The following FGFR2 variants were observed in gnomAD, a reference collection of about 807,000 sequenced individuals.
FGFR2 encodes the protein fibroblast growth factor receptor 2.
Under a neutral mutation model 95.9 loss-of-function variants are expected in FGFR2, and 19 were observed. That is an observed-to-expected ratio of 0.20 (90% confidence interval 0.14 to 0.29). The LOEUF (loss-of-function observed/expected upper bound fraction) is 0.29, where lower values mean the gene tolerates loss of function less well. Among genes scored for constraint, FGFR2 ranks in the 10% least tolerant of loss-of-function variants. FGFR2 has a pLI of 1.00. For missense variants in FGFR2, 707 were observed against 1,056.9 expected (o/e 0.67, Z 4.59); for synonymous variants, 392 against 393.3 (o/e 1.00, Z 0.04).
intron 2 of FGFR2, among the ~76,000 whole-genome samples, chr10:121,577,580 G>A (rs1207004151): frequency 6.6e-6 from 1 of 152,102 alleles, no homozygotes; most frequent in Non-Finnish European, 1.5e-5. Flanking sequence ...CTTATGGACA[G>A]GAACATGTCA....
chr10:121,506,763 C>T (rs967846576), intron 9 of FGFR2, among the ~76,000 whole-genome samples: 3 of 152,176 alleles, frequency 2.0e-5, no homozygotes, highest in Non-Finnish European at 4.4e-5. Context: ...TAGCAGTGAT[C>T]ACCTGTGGGC....
At chr10:121,493,488 C>T (rs1225579180) in intron 13 of FGFR2, among the ~76,000 whole-genome samples, 1 of 152,164 alleles carries the variant, frequency 6.6e-6, no homozygotes, top group East Asian at 1.9e-4. Flanking sequence ...CTACTACCTG[C>T]CCCCTCCTTC....
intron 5 of FGFR2, among the ~76,000 whole-genome samples, chr10:121,550,151 T>C (rs1220067794): frequency 1.3e-5 from 2 of 152,206 alleles, no homozygotes; most frequent in Non-Finnish European, 1.5e-5. Flanking sequence ...CTGAATCCTT[T>C]CCTGACCTCC....
At chr10:121,488,333 T>C (rs1845693606) in intron 13 of FGFR2, among the ~76,000 whole-genome samples, 1 of 151,572 alleles carries the variant, frequency 6.6e-6, no homozygotes, top group African/African-American at 2.4e-5. Context: ...TTGAGGTCAG[T>C]AGTTCGAGAC....
At chr10:121,585,993 A>T (rs1467425215) in intron 2 of FGFR2, among the ~76,000 whole-genome samples, 2 of 152,210 alleles carry the variant, frequency 1.3e-5, no homozygotes, top group Non-Finnish European at 2.9e-5. Flanking sequence ...ACCTAAACTT[A>T]ACCATTGCAA....
intron 5 of FGFR2, among the ~76,000 whole-genome samples, chr10:121,540,807 C>T (rs537967502): frequency 4.6e-5 from 7 of 152,312 alleles, no homozygotes; most frequent in East Asian, 1.9e-4. Context: ...CCCTTAATCA[C>T]GGCTAGTGCC....
At chr10:121,551,183 G>A in intron 5 of FGFR2, 107 bp downstream of exon 5, 2 of 1,293,028 alleles carry the variant, frequency 1.5e-6, no homozygotes, top group Non-Finnish European at 2.2e-6. Context: ...TCGCACCACG[G>A]CACTCCAGCC....
At chr10:121,561,441 A>T (rs1476695098) in intron 4 of FGFR2, among the ~76,000 whole-genome samples, 1 of 152,062 alleles carries the variant, frequency 6.6e-6, no homozygotes, top group Non-Finnish European at 1.5e-5. Flanking sequence ...AAAAAAAAAA[A>T]AAACCTAAAG....
chr10:121,577,770 G>T (rs1326472976), intron 2 of FGFR2, among the ~76,000 whole-genome samples: 1 of 151,976 alleles, frequency 6.6e-6, no homozygotes, highest in African/African-American at 2.4e-5. Flanking sequence ...CCTGCTTGTA[G>T]GTTCATATTT....
intron 2 of FGFR2, among the ~76,000 whole-genome samples, chr10:121,584,926 C>A (rs11498942): frequency 7.3e-6 from 1 of 137,808 alleles, no homozygotes; most frequent in East Asian, 2.3e-4. Context: ...TAACCCCTCT[C>A]CATCCCGCAC....
At chr10:121,572,771 G>A (rs1296646919) in intron 2 of FGFR2, among the ~76,000 whole-genome samples, 1 of 152,196 alleles carries the variant, frequency 6.6e-6, no homozygotes, top group Non-Finnish European at 1.5e-5. Flanking sequence ...TGACTGGGGA[G>A]AGAGAGAAAC....
chr10:121,494,118 T>C (rs1007401008), intron 13 of FGFR2, among the ~76,000 whole-genome samples: 7 of 151,930 alleles, frequency 4.6e-5, no homozygotes, highest in Non-Finnish European at 1.0e-4. Flanking sequence ...AGAGGCATTT[T>C]TGAAGCACTA....
chr10:121,487,573 A>G, intron 14 of FGFR2, 149 bp from the exon 15 acceptor site: 1 of 714,798 alleles, frequency 1.4e-6, no homozygotes, highest in East Asian at 2.7e-5. Context: ...AATGAGGACC[A>G]TGAACAATGT....
intron 4 of FGFR2, among the ~76,000 whole-genome samples, chr10:121,555,591 G>C (rs1199283728): frequency 1.3e-5 from 2 of 152,096 alleles, no homozygotes; most frequent in Non-Finnish European, 2.9e-5. Context: ...TGGTTCCTTT[G>C]GCTCTGACAT....
At chr10:121,586,946 T>C (rs1861917968) in intron 2 of FGFR2, among the ~76,000 whole-genome samples, 1 of 152,280 alleles carries the variant, frequency 6.6e-6, no homozygotes, top group East Asian at 1.9e-4. Context: ...AAGGCAATCC[T>C]AAGCAAAAAT....
At chr10:121,583,955 AAT>A (rs1465900088) in intron 2 of FGFR2, among the ~76,000 whole-genome samples, 1 of 152,024 alleles carries the variant, frequency 6.6e-6, no homozygotes, top group African/African-American at 2.4e-5. Context: ...GATGAGAGAT[AAT>A]ATATGTTAAA....
chr10:121,487,992 T>C lies in FGFR2; in HGVS notation c.1985A>G (p.Asn662Ser), dbSNP rs962103382. 1.9e-6 allele frequency: 3 copies of C among 1,614,064 alleles called. No homozygotes were observed. Among genetic ancestry groups the C allele is most frequent in the Admixed American group, 3.3e-5 (2 of 60,024 alleles). The change falls in exon 14 of 18, where the codon AAT becomes AGT. Residue 662 changes from asparagine to serine, a missense_variant and splice_region_variant. Coordinates refer to ENST00000358487, the MANE Select transcript of FGFR2 (RefSeq NM_000141.5). ...NNIDYYKKTT[N>S]GRLPVKWMAP... ...ACTGTGTTACTGCCATCGACTTACA[T>C]TGGTGGTCTTTTTGTAATAGTCTAT... is the stretch of plus-strand genomic sequence containing the variant.
In FGFR2 at chr10:121,592,466, C is replaced by T. The variant is rs114780046; in HGVS notation, c.109+1243G>A. On this transcript the variant is annotated intron_variant, in intron 2 of 17. Coordinates refer to ENST00000358487, the MANE Select transcript of FGFR2 (RefSeq NM_000141.5). ...ACCTGTTAATTATAGAGCTGCCATC[C>T]CTCTGTGTAACGAAAAGTTCCCCAG... Among the ~76,000 whole-genome samples, 1,017 of 152,272 alleles carry T rather than the reference C, an allele frequency of 6.7e-3. 11 individuals are homozygous for T. The highest frequency in any genetic ancestry group is 0.024 in the African/African-American group (987 of 41,544).
chr10:121,575,723 G>A (rs1859619072), intron 2 of FGFR2, among the ~76,000 whole-genome samples: 1 of 151,728 alleles, frequency 6.6e-6, no homozygotes, highest in Non-Finnish European at 1.5e-5. Flanking sequence ...AGGCATGGTG[G>A]TGCACCCCTG....
Sources: gnomAD v4.1 joint callset for allele counts (sites outside exome capture counted in the v4.1 genomes callset) on GRCh38, gnomAD v4.1.1 for gene constraint, MANE v1.5 for transcripts, NCBI Gene and HGNC (gene_info 2026-07-23, HGNC 2026-07-21) for gene names.